Variants in ISM2 observed in about 807,000 individuals in gnomAD.
ISM2 encodes isthmin-2.
ISM2 carries 50 observed loss-of-function variants against 58.0 expected under a neutral mutation model. The ratio of observed to expected loss-of-function variants is 0.86; its 90% CI spans 0.69 to 1.09. The LOEUF (loss-of-function observed/expected upper bound fraction) is 1.09. Among genes scored for constraint, ISM2 ranks in the 50% least tolerant of loss-of-function variants. The probability of loss-of-function intolerance (pLI) is 0.00; values close to 1 mark genes in which losing one functional copy is unlikely to be tolerated. For missense variants in ISM2, 723 were observed against 745.0 expected, an observed-to-expected ratio of 0.97 and a Z score of 0.34; for synonymous variants, 303 against 312.4, an observed-to-expected ratio of 0.97 and a Z score of 0.32.
chr14:77,477,726 C>A (rs560861373), intron 6 of ISM2, among the ~76,000 whole-genome samples: 238 of 152,274 alleles, frequency 1.6e-3, no homozygotes, highest in African/African-American at 5.6e-3. Context: ...TGAGTGCAAC[C>A]CTTATCTGCA....
chr14:77,484,323 C>G lies in ISM2; in HGVS notation c.627G>C (p.Gln209His), dbSNP rs774244483. The G allele has an allele frequency of 1.6e-5, 26 of 1,610,120 alleles. No homozygotes were observed. The South Asian group carries it at 2.6e-4, about 16-fold the overall frequency. The change falls in exon 3 of 7, where the codon CAG becomes CAC. Residue 209 changes from glutamine to histidine, a missense_variant and splice_region_variant. Transcript: ENST00000342219. ...CTGCTGGCCCTTCTGTAGCTCTCAC[C>G]TGGTTATCAGGGTTAGGGGTACTCA... is the stretch of plus-strand genomic sequence containing the variant. Reference protein sequence around the residue: ...ATLSTPNPDNQVTIKVVEDPQ... With the variant: ...ATLSTPNPDNHVTIKVVEDPQ...
At chr14:77,479,368 G>A (rs2079118424) in intron 4 of ISM2, among the ~76,000 whole-genome samples, 1 of 147,978 alleles carries the variant, frequency 6.8e-6, no homozygotes, top group African/African-American at 2.5e-5. Flanking sequence ...ACAAGCATGC[G>A]CCACCATGCC....
Position 77,478,723 on chromosome 14 carries a change from A to G in ISM2, c.974-8T>C. ...CCTTCTGAGGCTCATAGTCTGGGTT[A>G]AGACAGGGAGTTGGGGGTGAGTGCA... On this transcript the variant is annotated splice_polypyrimidine_tract_variant and splice_region_variant and intron_variant, in intron 4 of 6. Transcript: ENST00000342219. 1 of 1,608,404 alleles carries G rather than the reference A, an allele frequency of 6.2e-7. No individual in the cohort carries two copies. The highest frequency in any genetic ancestry group is 1.1e-5 in the South Asian group (1 of 90,974).
At position 77,475,139 on chromosome 14, in the gene ISM2, C is replaced by G. The variant is rs2079088368; in HGVS notation, c.*456G>C. ...CCCCCCCGGCAAAGGATGGCTGTGC[C>G]CATGAGAAGAGTGGCCCTTCCTCTG... On this transcript the variant is annotated 3_prime_UTR_variant, in exon 7 of 7. Transcript: ENST00000342219. This position sits in a 1 kb window ranked among gnomAD's most constrained non-coding sequence, Gnocchi z 4.1. The G allele has an allele frequency of 6.5e-6, 1 of 153,338 alleles. No homozygotes were observed. Among genetic ancestry groups the G allele is most frequent in the Non-Finnish European group, 1.5e-5 (1 of 68,920 alleles). 9.5% of individuals were successfully genotyped at this position (153,338 alleles called of 1,614,324 possible).
At chr14:77,493,373 G>A (rs924402100) in intron 1 of ISM2, among the ~76,000 whole-genome samples, 3 of 152,172 alleles carry the variant, frequency 2.0e-5, no homozygotes, top group Non-Finnish European at 4.4e-5. Flanking sequence ...GACAGAATGG[G>A]TTCTTATTTT....
At chr14:77,491,850 T>C (rs1445171853) in intron 1 of ISM2, among the ~76,000 whole-genome samples, 1 of 151,342 alleles carries the variant, frequency 6.6e-6, no homozygotes, top group Non-Finnish European at 1.5e-5. Context: ...CCCCTGCCAC[T>C]AAGCCCTGCT....
chr14:77,486,397 C>T (rs746838305), intron 1 of ISM2, among the ~76,000 whole-genome samples: 3 of 152,204 alleles, frequency 2.0e-5, no homozygotes, highest in Admixed American at 6.5e-5. Flanking sequence ...CCAGGGCAGC[C>T]GTGGGCCCAT....
Position 77,476,100 on chromosome 14 carries a change from C to T in ISM2, c.1211G>A (p.Cys404Tyr), listed in dbSNP as rs749770459. 2 of 1,519,566 alleles carry T rather than the reference C, an allele frequency of 1.3e-6. No homozygotes were observed. Among genetic ancestry groups the T allele is most frequent in the Admixed American group, 4.0e-5 (2 of 50,092 alleles). The allele number at this position is 1,519,566 out of a possible 1,614,324, so 94.1% of individuals were successfully genotyped here. A position where few individuals can be genotyped will look rare whatever the true frequency, so the allele number is the denominator to read the frequency against. Residue 404 changes from cysteine (C) to tyrosine (Y), a missense_variant, in exon 7 of 7, where the codon TGT becomes TAT. Cys to Tyr is a radical substitution (Grantham distance 194). Transcript: ENST00000342219. ...GCTCTTGCAGTTCAGCCACTTCTCA[C>T]AGCTGTCCACATCTGCAAAGGGCCA... ...TDMHDQDVDSCEKWLNCKSDF... is the reference protein window; with the variant it reads ...TDMHDQDVDSYEKWLNCKSDF...
chr14:77,498,597 G>A (rs1025260866), intron 1 of ISM2, 56 bp downstream of exon 1: 21 of 1,400,110 alleles, frequency 1.5e-5, no homozygotes, highest in Admixed American at 3.3e-5. Context: ...GGAGCCGGCG[G>A]GCTGGGGAGG....
chr14:77,498,375 G>C, intron 1 of ISM2: 1 of 1,354,544 alleles, frequency 7.4e-7, no homozygotes, highest in African/African-American at 1.5e-5. Flanking sequence ...CCACCGTGGA[G>C]TGTCGGCCAC....
intron 1 of ISM2, among the ~76,000 whole-genome samples, chr14:77,485,159 T>C (rs7157218): frequency 0.96 from 146,095 of 152,308 alleles, 70,360 homozygotes; most frequent in East Asian, 1. Context: ...ATCCACAAAG[T>C]GCTTTCACAG....
At chr14:77,491,970 A>G (rs2079208144) in intron 1 of ISM2, among the ~76,000 whole-genome samples, 1 of 150,904 alleles carries the variant, frequency 6.6e-6, no homozygotes, top group South Asian at 2.1e-4. Flanking sequence ...TGCTAGGATT[A>G]CAGGCGTGAG....
At position 77,497,435 on chromosome 14, in the gene ISM2, G is replaced by C. The variant is rs558743768; in HGVS notation, c.141+1218C>G. On this transcript the variant is annotated intron_variant, in intron 1 of 6. Transcript: ENST00000342219. Reference sequence around the variant, plus strand: ...CACCATGGCTCATGCCTGTAATACTGGCACTATGGGAGGCTGAGGCAGGAG... The same window carrying C: ...CACCATGGCTCATGCCTGTAATACTCGCACTATGGGAGGCTGAGGCAGGAG... Among the ~76,000 whole-genome samples the C allele has an allele frequency of 9.9e-4, 148 of 149,688 alleles. 1 individual carries two copies. The highest frequency in any genetic ancestry group is 3.5e-3 in the African/African-American group (144 of 40,742).
At chr14:77,498,489 C>T in intron 1 of ISM2, 164 bp downstream of exon 1, 1 of 1,219,196 alleles carries the variant, frequency 8.2e-7, no homozygotes, top group Non-Finnish European at 1.1e-6. Context: ...CGCACCTGGG[C>T]AACGCCCGGT....
chr14:77,481,733 T>C (rs1348675126), intron 4 of ISM2, among the ~76,000 whole-genome samples: 1 of 151,796 alleles, frequency 6.6e-6, no homozygotes, highest in African/African-American at 2.4e-5. Context: ...TAAATAAATA[T>C]AATAGTAACA....
rs1208613554 is a variant in ISM2 at position 77,475,335 on chromosome 14, C to A, written c.*260G>T. The A allele has an allele frequency of 6.1e-6, 2 of 325,816 alleles. No individual in the cohort carries two copies. The highest frequency in any genetic ancestry group is 1.1e-5 in the Non-Finnish European group (2 of 179,926). The allele number at this position is 325,816 out of a possible 1,614,324, so 20.2% of individuals were successfully genotyped here. A position where few individuals can be genotyped will look rare whatever the true frequency, so the allele number is the denominator to read the frequency against. On this transcript the variant is annotated 3_prime_UTR_variant, in exon 7 of 7. Coordinates refer to ENST00000342219, the MANE Select transcript of ISM2 (RefSeq NM_199296.3). This position sits in a 1 kb window ranked among gnomAD's most constrained non-coding sequence, Gnocchi z 4.1. ...AGCAGGCAGCAGAGGGAGGCCCCGGCAGACACATGCACATATGCACATTTC... is the reference window on the plus strand; with the variant it reads ...AGCAGGCAGCAGAGGGAGGCCCCGGAAGACACATGCACATATGCACATTTC...
intron 6 of ISM2, among the ~76,000 whole-genome samples, chr14:77,477,287 C>T (rs889459303): frequency 2.0e-5 from 3 of 152,172 alleles, no homozygotes; most frequent in Admixed American, 6.5e-5. Context: ...TCTTGTTTCT[C>T]ATTTTCCCTT....
rs147713285 is a variant in ISM2, at chr14:77,482,601, T to C, written c.694A>G (p.Asn232Asp). ...VSIDLLAEPS[N>D]PPPQDTLSWL... ...CTAAGGGTATCCTGGGGCGGGGGAT[T>C]GCTGGGCTCAGCCAACAGGTCTATC... The change falls in exon 4 of 7, where the codon AAT becomes GAT. Residue 232 changes from asparagine (N) to aspartate (D), a missense_variant. Physicochemically the swap from Asn to Asp is conservative, Grantham distance 23 (BLOSUM62 1). Transcript: ENST00000342219. The C allele has an allele frequency of 8.6e-5, 139 of 1,609,154 alleles. No individual in the cohort carries two copies. In the African/African-American group the frequency reaches 1.5e-3, roughly 18 times the overall value.
chr14:77,488,624 A>G (rs1413024700), intron 1 of ISM2, among the ~76,000 whole-genome samples: 2 of 152,148 alleles, frequency 1.3e-5, no homozygotes, highest in Admixed American at 1.3e-4. Flanking sequence ...ATTTAGGGAA[A>G]CACCAGCGCC....
Sources: allele counts gnomAD v4.1 joint callset (sites outside exome capture counted in the v4.1 genomes callset), GRCh38; gene constraint gnomAD v4.1.1; non-coding constraint Gnocchi (gnomAD v3.1); transcripts MANE v1.5; gene names NCBI Gene and HGNC (gene_info 2026-07-23, HGNC 2026-07-21).